Variants in POLA1 observed in about 807,000 individuals in gnomAD.
The protein encoded by POLA1 is DNA polymerase alpha 1, catalytic subunit.
A neutral mutation model predicts 124.0 loss-of-function variants in POLA1; 15 were observed. The ratio of observed to expected loss-of-function variants is 0.12; its 90% confidence interval spans 0.08 to 0.19. POLA1 has a LOEUF of 0.19. POLA1 is among the 10% of genes least tolerant of loss of function. The pLI, the probability that POLA1 is intolerant of heterozygous loss-of-function variation, is 1.00. For missense variants in POLA1, 886 were observed against 1,103.4 expected, an observed-to-expected ratio of 0.80 and a Z score of 2.79; for synonymous variants, 408 against 389.4, an observed-to-expected ratio of 1.05 and a Z score of -0.56.
At chrX:24,975,967 T>G (rs1297902335) in intron 36 of POLA1, among the ~76,000 whole-genome samples, 1 of 112,561 alleles carries the variant, frequency 8.9e-6, no homozygotes, top group Non-Finnish European at 1.9e-5. Flanking sequence ...AGCATTGCTT[T>G]GAAATTTTAC....
chrX:24,714,047 A>G (rs1929651424), intron 4 of POLA1, among the ~76,000 whole-genome samples: 1 of 112,796 alleles, frequency 8.9e-6, no homozygotes, highest in African/African-American at 3.2e-5. Flanking sequence ...TTATGCTGAT[A>G]TTTAACTGGT....
chrX:24,752,990 C>A (rs935144533), intron 26 of POLA1, among the ~76,000 whole-genome samples: 1 of 110,608 alleles, frequency 9.0e-6, no homozygotes, highest in East Asian at 2.8e-4. Flanking sequence ...TTTTTTATTG[C>A]GAAATTTTTT....
intron 36 of POLA1, among the ~76,000 whole-genome samples, chrX:24,978,555 A>G (rs1431834083): frequency 8.9e-6 from 1 of 112,290 alleles, no homozygotes; most frequent in Non-Finnish European, 1.9e-5. Context: ...AGACACTATT[A>G]TAAGCATGTT....
chrX:24,716,895 A>G lies in POLA1; in HGVS notation c.630A>G (p.Ser210=), dbSNP rs752651773. The change falls in exon 8 of 37, where the codon TCA becomes TCG. Residue 210 remains serine (S), a synonymous_variant. Coordinates refer to ENST00000379068, the MANE Select transcript of POLA1 (RefSeq NM_001330360.2). ...FSVHTATAVP[S]GKIASPVSRK... The stretch of plus-strand genomic sequence containing the variant: ...AAAAACGTTTACAGGCAGTTCCTTC[A>G]GGAAAAATTGCTTCCCCTGTCTCCA... The G allele has an allele frequency of 8.4e-7, 1 of 1,190,518 alleles. No individual in the cohort carries two copies. The highest frequency in any genetic ancestry group is 3.0e-5 in the East Asian group (1 of 33,757).
At chrX:24,901,992 G>A (rs184157859) in intron 35 of POLA1, among the ~76,000 whole-genome samples, 19 of 109,582 alleles carry the variant, frequency 1.7e-4, no homozygotes, top group East Asian at 1.4e-3. Context: ...CCCTCTGCGC[G>A]TGCATGTGCG....
intron 35 of POLA1, among the ~76,000 whole-genome samples, chrX:24,896,092 A>T (rs1193201062): frequency 9.0e-6 from 1 of 111,673 alleles, no homozygotes; most frequent in African/African-American, 3.3e-5. Flanking sequence ...AGAGGTGAGG[A>T]TGGTGATTAT....
At chrX:24,803,235 A>G (rs2045746357) in intron 26 of POLA1, among the ~76,000 whole-genome samples, 1 of 111,045 alleles carries the variant, frequency 9.0e-6, no homozygotes, top group Non-Finnish European at 1.9e-5. Flanking sequence ...TGCTCTTCCT[A>G]GGAAGTGCTT....
At chrX:24,781,534 A>T (rs1347554133) in intron 26 of POLA1, among the ~76,000 whole-genome samples, 1 of 112,078 alleles carries the variant, frequency 8.9e-6, no homozygotes, top group Non-Finnish European at 1.9e-5. Flanking sequence ...CCCACTGGAT[A>T]TTAGAGTAAA....
intron 10 of POLA1, among the ~76,000 whole-genome samples, chrX:24,720,048 C>G (rs900302032): frequency 1.1e-4 from 12 of 111,187 alleles, no homozygotes; most frequent in African/African-American, 3.9e-4. Flanking sequence ...GTCCAAACTG[C>G]TTAGCAAGGC....
At chrX:24,729,603 C>G (rs1465151263) in intron 15 of POLA1, among the ~76,000 whole-genome samples, 2 of 111,750 alleles carry the variant, frequency 1.8e-5, no homozygotes, top group African/African-American at 6.5e-5. Flanking sequence ...ACTTCCTTCT[C>G]TTTAATTGCC....
chrX:24,793,181 G>A (rs1280707928), intron 26 of POLA1, among the ~76,000 whole-genome samples: 1 of 104,541 alleles, frequency 9.6e-6, no homozygotes, highest in Non-Finnish European at 1.9e-5. Context: ...GGAGGCTGAG[G>A]CAGGAGAATG....
At chrX:24,860,235 A>G (rs960829295) in intron 34 of POLA1, among the ~76,000 whole-genome samples, 2 of 112,857 alleles carry the variant, frequency 1.8e-5, no homozygotes, top group Non-Finnish European at 3.7e-5. Flanking sequence ...CACCATGTGT[A>G]TATACATGTG....
intron 16 of POLA1, among the ~76,000 whole-genome samples, chrX:24,732,706 C>CT (rs1045938346): frequency 7.4e-5 from 7 of 94,319 alleles, no homozygotes; most frequent in Non-Finnish European, 1.0e-4. Flanking sequence ...TATTTGACAT[C>CT]TTTTTTTTGT....
At chrX:24,841,375 A>G (rs1205662560) in intron 32 of POLA1, among the ~76,000 whole-genome samples, 1 of 112,191 alleles carries the variant, frequency 8.9e-6, no homozygotes, top group African/African-American at 3.2e-5. Flanking sequence ...TGAGGTTTTC[A>G]TTGTAACTTT....
intron 26 of POLA1, among the ~76,000 whole-genome samples, chrX:24,792,947 C>G (rs780629969): frequency 7.2e-5 from 8 of 111,046 alleles, no homozygotes; most frequent in Non-Finnish European, 1.3e-4. Context: ...AGAGAGATAT[C>G]AAAGGCTTGC....
chrX:24,802,173 A>C (rs997924113), intron 26 of POLA1, among the ~76,000 whole-genome samples: 14 of 110,973 alleles, frequency 1.3e-4, no homozygotes, highest in Non-Finnish European at 2.5e-4. Flanking sequence ...TGCTGTACTC[A>C]AAGTCAACTG....
chrX:24,791,220 C>A (rs758323764), intron 26 of POLA1, among the ~76,000 whole-genome samples: 1 of 110,927 alleles, frequency 9.0e-6, no homozygotes, highest in Non-Finnish European at 1.9e-5. Context: ...GGAAGCCAGA[C>A]CTGTGTCATC....
chrX:24,935,667 T>C (rs780880242), intron 36 of POLA1, among the ~76,000 whole-genome samples: 4 of 112,633 alleles, frequency 3.6e-5, no homozygotes, highest in Non-Finnish European at 7.5e-5. Context: ...TTTCAGTCTC[T>C]TGTCATCTCT....
At chrX:24,926,952 G>A (rs903986102) in intron 35 of POLA1, among the ~76,000 whole-genome samples, 4 of 109,604 alleles carry the variant, frequency 3.6e-5, no homozygotes, top group African/African-American at 6.6e-5. Flanking sequence ...CCACCTCAGC[G>A]TCCCAAGTAG....
Sources: allele counts gnomAD v4.1 joint callset (sites outside exome capture counted in the v4.1 genomes callset), GRCh38; gene constraint gnomAD v4.1.1; transcripts MANE v1.5; gene names NCBI Gene and HGNC (gene_info 2026-07-23, HGNC 2026-07-21).